The following GRK3 variants were observed in gnomAD, a reference collection of about 807,000 sequenced individuals.
The protein encoded by GRK3 is adrenergic, beta, receptor kinase 2.
GRK3 carries 54 observed loss-of-function variants against 95.7 expected under a neutral mutation model. The observed-to-expected ratio is 0.56, with a 90% confidence interval of 0.45 to 0.71. The LOEUF (loss-of-function observed/expected upper bound fraction) is 0.71, where lower values mean the gene tolerates loss of function less well. GRK3 is among the 30% of genes least tolerant of loss of function. The pLI is 0.00. For synonymous variants in GRK3, 281 were observed against 290.8 expected, an observed-to-expected ratio of 0.97 and a Z score of 0.34; for missense variants, 649 against 851.2, an observed-to-expected ratio of 0.76 and a Z score of 2.96.
chr22:25,693,039 G>A (rs747615544), intron 12 of GRK3, among the ~76,000 whole-genome samples: 8 of 152,266 alleles, frequency 5.3e-5, no homozygotes, highest in East Asian at 1.9e-4. Context: ...CGAAAGAATC[G>A]CAAATTATTG....
At chr22:25,642,453 A>G (rs1330773663) in intron 2 of GRK3, among the ~76,000 whole-genome samples, 1 of 151,672 alleles carries the variant, frequency 6.6e-6, no homozygotes, top group African/African-American at 2.4e-5. Flanking sequence ...AAATAAATAA[A>G]CAGACAGACA....
intron 2 of GRK3, among the ~76,000 whole-genome samples, chr22:25,621,409 C>A (rs2084585303): frequency 6.6e-6 from 1 of 152,080 alleles, no homozygotes; most frequent in African/African-American, 2.4e-5. Context: ...TTACGTTACC[C>A]ATCCCTATTT....
intron 8 of GRK3, among the ~76,000 whole-genome samples, chr22:25,677,302 G>A (rs1004966440): frequency 6.7e-6 from 1 of 148,892 alleles, no homozygotes; most frequent in Non-Finnish European, 1.5e-5. Flanking sequence ...CTTGAGACCA[G>A]GAGTTTGAGG....
chr22:25,649,663 A>C (rs2084813812), intron 3 of GRK3, among the ~76,000 whole-genome samples: 1 of 152,212 alleles, frequency 6.6e-6, no homozygotes, highest in South Asian at 2.1e-4. Flanking sequence ...GGACCAAATA[A>C]TTCCATTCCA....
intron 3 of GRK3, among the ~76,000 whole-genome samples, chr22:25,652,723 C>A (rs965997843): frequency 1.3e-5 from 2 of 152,054 alleles, no homozygotes; most frequent in South Asian, 2.1e-4. Context: ...ATTAGGCCAA[C>A]AAAAGACCAC....
chr22:25,646,167 T>C (rs77968350), intron 3 of GRK3, among the ~76,000 whole-genome samples: 13,582 of 151,904 alleles, frequency 0.089, 726 homozygotes, highest in Middle Eastern at 0.16. Flanking sequence ...GAATCATAAA[T>C]AAGGCAATAA....
chr22:25,674,276 G>C (rs1258425234), intron 7 of GRK3, among the ~76,000 whole-genome samples, 161 bp from the exon 8 acceptor site: 6 of 152,118 alleles, frequency 3.9e-5, no homozygotes, highest in Non-Finnish European at 7.3e-5. Flanking sequence ...TGCCACCCCT[G>C]GGGCATCTCA....
chr22:25,640,731 C>G (rs184418521), intron 2 of GRK3, among the ~76,000 whole-genome samples: 4 of 152,156 alleles, frequency 2.6e-5, no homozygotes, highest in African/African-American at 9.7e-5. Context: ...ACAATTCTTT[C>G]TACTAATTTT....
chr22:25,624,399 T>C (rs1006955973), intron 2 of GRK3, among the ~76,000 whole-genome samples: 13 of 152,106 alleles, frequency 8.5e-5, no homozygotes, highest in African/African-American at 2.9e-4. Context: ...CCCTCTCTAC[T>C]AAAAATACAA....
chr22:25,681,736 TA>T (rs1481525267), intron 9 of GRK3, among the ~76,000 whole-genome samples: 4 of 152,232 alleles, frequency 2.6e-5, no homozygotes, highest in Non-Finnish European at 5.9e-5. Flanking sequence ...ACAGTTTTTT[TA>T]TGGCGAGTTC....
intron 17 of GRK3, among the ~76,000 whole-genome samples, chr22:25,713,468 C>G (rs2146467265): frequency 6.6e-6 from 1 of 152,292 alleles, no homozygotes; most frequent in South Asian, 2.1e-4. Context: ...TTCTGGTGTT[C>G]TGTTGATTTG....
intron 2 of GRK3, among the ~76,000 whole-genome samples, chr22:25,614,605 T>C (rs1177392920): frequency 6.6e-6 from 1 of 152,220 alleles, no homozygotes; most frequent in Non-Finnish European, 1.5e-5. Context: ...ATGATCAAGC[T>C]TGCACAACTC....
intron 2 of GRK3, among the ~76,000 whole-genome samples, chr22:25,640,722 C>T (rs2084736686): frequency 6.6e-6 from 1 of 152,136 alleles, no homozygotes; most frequent in Non-Finnish European, 1.5e-5. Flanking sequence ...AAAAGCAATA[C>T]AATTCTTTCT....
chr22:25,593,064 G>A (rs1932550082), intron 1 of GRK3, among the ~76,000 whole-genome samples: 1 of 151,540 alleles, frequency 6.6e-6, no homozygotes, highest in Admixed American at 6.6e-5. Flanking sequence ...GTCCACCATT[G>A]ATGGGCATGT....
chr22:25,614,606 T>C (rs920747242), intron 2 of GRK3, among the ~76,000 whole-genome samples: 3 of 152,266 alleles, frequency 2.0e-5, no homozygotes, highest in African/African-American at 7.2e-5. Flanking sequence ...TGATCAAGCT[T>C]GCACAACTCC....
At chr22:25,617,787 T>C (rs909978984) in intron 2 of GRK3, among the ~76,000 whole-genome samples, 13 of 152,138 alleles carry the variant, frequency 8.5e-5, no homozygotes, top group African/African-American at 2.9e-4. Context: ...TTGCTTTTCT[T>C]TTTTTTTGAG....
intron 1 of GRK3, among the ~76,000 whole-genome samples, chr22:25,575,512 A>T (rs1452390168): frequency 6.6e-6 from 1 of 152,138 alleles, no homozygotes. Context: ...ATCTGTAGTT[A>T]TAAAGGTTAG....
chr22:25,710,244 A>G (rs1295692567), intron 16 of GRK3, among the ~76,000 whole-genome samples: 1 of 152,232 alleles, frequency 6.6e-6, no homozygotes, highest in African/African-American at 2.4e-5. Flanking sequence ...ATAAAAGGTA[A>G]AATGGAGCTA....
intron 1 of GRK3, among the ~76,000 whole-genome samples, chr22:25,565,831 CT>C (rs1275083932): frequency 1.8e-4 from 28 of 152,216 alleles, no homozygotes; most frequent in African/African-American, 6.5e-4. Flanking sequence ...CTTTCCTCAA[CT>C]TGTAGATCTA....
Sources: allele counts gnomAD v4.1 joint callset (sites outside exome capture counted in the v4.1 genomes callset), GRCh38; gene constraint gnomAD v4.1.1; transcripts MANE v1.5; gene names NCBI Gene and HGNC (gene_info 2026-07-23, HGNC 2026-07-21).